Variants in ZC3H14 observed in about 807,000 individuals in gnomAD.
ZC3H14 encodes zinc finger CCCH-type containing 14, also known as zinc finger CCCH domain-containing protein 14.
A neutral mutation model predicts 92.4 loss-of-function variants in ZC3H14; 31 were observed. That is an observed-to-expected ratio of 0.34 (90% CI 0.25 to 0.45). ZC3H14 has a LOEUF of 0.45. Among genes scored for constraint, ZC3H14 ranks in the 20% least tolerant of loss-of-function variants. ZC3H14 has a pLI of 1.00. For missense variants in ZC3H14, 781 were observed against 897.3 expected, an observed-to-expected ratio of 0.87 and a Z score of 1.66; for synonymous variants, 321 against 300.9, an observed-to-expected ratio of 1.07 and a Z score of -0.69.
At position 88,627,397 on chromosome 14, in the gene ZC3H14, A is replaced by G; in HGVS notation, c.*15646A>G. ...TAATAAATACATAGTTTCTTGCTGG[A>G]AGAAAATAGCAGTGAATCATTTATA... is the stretch of plus-strand genomic sequence containing the variant. On this transcript the variant is annotated 3_prime_UTR_variant, in exon 17 of 17. Coordinates refer to ENST00000251038, the MANE Select transcript of ZC3H14 (RefSeq NM_024824.5). The G allele has an allele frequency of 8.1e-6, 4 of 490,826 alleles. No individual in the cohort carries two copies. The South Asian group carries it at 1.2e-4, about 15-fold the overall frequency. The allele number at this position is 490,826 out of a possible 1,614,324, so 30.4% of individuals were successfully genotyped here.
intron 2 of ZC3H14, 148 bp downstream of exon 2, chr14:88,563,841 T>C (rs1324373434): frequency 1.3e-6 from 1 of 792,292 alleles, no homozygotes; most frequent in Non-Finnish European, 2.1e-6. Flanking sequence ...GGTTACTTCT[T>C]TATCATCTTT....
chr14:88,624,995 T>C lies in ZC3H14; in HGVS notation c.*13244T>C. The C allele has an allele frequency of 1.2e-6, 2 of 1,613,642 alleles. No individual in the cohort carries two copies. The highest frequency in any genetic ancestry group is 1.3e-5 in the African/African-American group (1 of 75,004). On this transcript the variant is annotated 3_prime_UTR_variant, in exon 17 of 17. Coordinates refer to ENST00000251038, the MANE Select transcript of ZC3H14 (RefSeq NM_024824.5). ...GGCCTTTCCTTTCCCCCAGTCACGA[T>C]AAGTCCATCTCGCAGGGTGGTGTAC...
chr14:88,571,254 A>T lies in ZC3H14; in HGVS notation c.235+130A>T, dbSNP rs996026830. The T allele has an allele frequency of 9.7e-6, 7 of 720,266 alleles. No individual in the cohort carries two copies. The African/African-American group carries it at 1.1e-4, about 11-fold the overall frequency. The allele number at this position is 720,266 out of a possible 1,614,324, so 44.6% of individuals were successfully genotyped here. A position where few individuals can be genotyped will look rare whatever the true frequency, so the allele number is the denominator to read the frequency against. On this transcript the variant is annotated intron_variant, in intron 4 of 16. Coordinates refer to ENST00000251038, the MANE Select transcript of ZC3H14 (RefSeq NM_024824.5). The stretch of plus-strand genomic sequence containing the variant: ...GTTCATTTGAACTTTTTTAGAAAGC[A>T]CATACTTTTATGAACTTAAGAGCAG...
Position 88,620,786 on chromosome 14 carries a change from C to G in ZC3H14, c.*9035C>G, listed in dbSNP as rs1156340765. 6.2e-7 allele frequency: 1 copy of G among 1,605,014 alleles called. No homozygotes were observed. Among genetic ancestry groups the G allele is most frequent in the Non-Finnish European group, 8.5e-7 (1 of 1,177,188 alleles). ...CATGGATTGCACATCTCCTGTCTCT[C>G]TTCTTTCCCCATATTTTTAGAGAAC... On this transcript the variant is annotated 3_prime_UTR_variant, in exon 17 of 17. Transcript: ENST00000251038. This position sits in a 1 kb window ranked among gnomAD's most constrained non-coding sequence, Gnocchi z 4.3.
At position 88,615,799 on chromosome 14, in the gene ZC3H14, G is replaced by A. The variant is rs1473031635; in HGVS notation, c.*4048G>A. The stretch of plus-strand genomic sequence containing the variant: ...AATTCTGGTCTCAAAGTTAATTTCT[G>A]TAGTCATCTCAGCATCTCTCAGTGA... On this transcript the variant is annotated 3_prime_UTR_variant, in exon 17 of 17. Coordinates refer to ENST00000251038, the MANE Select transcript of ZC3H14 (RefSeq NM_024824.5). The A allele has an allele frequency of 6.2e-7, 1 of 1,608,034 alleles. No homozygotes were observed. Among genetic ancestry groups the A allele is most frequent in the Non-Finnish European group, 8.5e-7 (1 of 1,177,310 alleles).
rs1308885853 is a variant in ZC3H14 at position 88,572,620 on chromosome 14, A to G, written c.474A>G (p.Thr158=). The change falls in exon 6 of 17, where the codon ACA becomes ACG. Residue 158 remains threonine (T), a synonymous_variant. Transcript: ENST00000251038. ...GAGCTGCAACCCGACTAATGTCAAC[A>G]GTGAAACCTTTGAGGGAGCCAGCAC... ...DDGAATRLMS[T]VKPLREPAPS... is the part of the protein sequence containing the mutation. 6.2e-7 allele frequency: 1 copy of G among 1,614,092 alleles called. No individual in the cohort carries two copies. The highest frequency in any genetic ancestry group is 1.3e-5 in the African/African-American group (1 of 74,944).
rs895087795 is a variant in ZC3H14, at chr14:88,621,477, A to G, written c.*9726A>G. ...TTTCTATGACTACAGGCACACATCT[A>G]TCTGTAAGCACAATGGGCTAGATTA... On this transcript the variant is annotated 3_prime_UTR_variant, in exon 17 of 17. Transcript: ENST00000251038. The G allele has an allele frequency of 3.1e-6, 2 of 641,000 alleles. No individual in the cohort carries two copies. The highest frequency in any genetic ancestry group is 1.9e-5 in the South Asian group (1 of 52,242). 39.7% of individuals were successfully genotyped at this position (641,000 alleles called of 1,614,324 possible).
At chr14:88,578,671 G>T (rs2081478976) in intron 9 of ZC3H14, among the ~76,000 whole-genome samples, 1 of 150,312 alleles carries the variant, frequency 6.7e-6, no homozygotes, top group African/African-American at 2.5e-5. Flanking sequence ...TGAAATTTTA[G>T]TTACCTTTAA....
At chr14:88,604,283 G>A (rs1196661784) in intron 12 of ZC3H14, among the ~76,000 whole-genome samples, 1 of 152,132 alleles carries the variant, frequency 6.6e-6, no homozygotes, top group African/African-American at 2.4e-5. Flanking sequence ...CCATTGTGCT[G>A]ACAGCCATGA....
chr14:88,575,380 A>AT (rs2081029589), intron 7 of ZC3H14, among the ~76,000 whole-genome samples: 1 of 152,056 alleles, frequency 6.6e-6, no homozygotes, highest in Non-Finnish European at 1.5e-5. Flanking sequence ...ATCAATTAAG[A>AT]TTCAGATTTA....
Position 88,626,612 on chromosome 14 carries a change from G to T in ZC3H14, c.*14861G>T. ...AGCCCAGGCGACAGAGTGAGATACT[G>T]TGTCAAAAAAAAAAAAAAATCCTTT... On this transcript the variant is annotated 3_prime_UTR_variant, in exon 17 of 17. Transcript: ENST00000251038. 1.9e-6 allele frequency: 1 copy of T among 524,900 alleles called. No homozygotes were observed. Among genetic ancestry groups the T allele is most frequent in the Non-Finnish European group, 3.4e-6 (1 of 296,826 alleles). The allele number at this position is 524,900 out of a possible 1,614,324, so 32.5% of individuals were successfully genotyped here. A position where few individuals can be genotyped will look rare whatever the true frequency, so the allele number is the denominator to read the frequency against.
At chr14:88,571,512 A>G (rs887698282) in intron 4 of ZC3H14, among the ~76,000 whole-genome samples, 3 of 152,236 alleles carry the variant, frequency 2.0e-5, no homozygotes, top group African/African-American at 7.2e-5. Flanking sequence ...CAGAATATAC[A>G]CGCATAAGAT....
intron 2 of ZC3H14, among the ~76,000 whole-genome samples, chr14:88,564,707 T>C (rs1373849267): frequency 6.6e-6 from 1 of 152,366 alleles, no homozygotes; most frequent in East Asian, 1.9e-4. Context: ...GTAGTTTTTT[T>C]CTTTTTGAGC....
chr14:88,604,243 T>C (rs2085028351), intron 12 of ZC3H14, among the ~76,000 whole-genome samples: 2 of 152,186 alleles, frequency 1.3e-5, no homozygotes. Flanking sequence ...ATAAATAATA[T>C]GTTAGTAAAA....
At chr14:88,565,928 T>G (rs1278693752) in intron 2 of ZC3H14, among the ~76,000 whole-genome samples, 2 of 148,958 alleles carry the variant, frequency 1.3e-5, no homozygotes, top group East Asian at 4.0e-4. Context: ...AGTGCAGTGG[T>G]GCAATCTTGG....
At chr14:88,583,142 T>A (rs572598276) in intron 9 of ZC3H14, among the ~76,000 whole-genome samples, 96 of 151,602 alleles carry the variant, frequency 6.3e-4, no homozygotes, top group African/African-American at 1.3e-3. Context: ...TTTTTATTTT[T>A]TTTTTTTAAG....
chr14:88,607,338 T>C lies in ZC3H14; in HGVS notation c.1843T>C (p.Tyr615His). Reference protein sequence around the residue: ...PACKNGDECAYHHPISPCKAF... With the variant: ...PACKNGDECAHHHPISPCKAF... ...TTGTAAAAATGGGGATGAGTGTGCC[T>C]ACCATCACCCCATCTCACCCTGCAA... The change falls in exon 13 of 17, where the codon TAC (tyrosine) becomes CAC (histidine). Residue 615 changes from tyrosine (Y) to histidine (H), a missense_variant. Coordinates refer to ENST00000251038, the MANE Select transcript of ZC3H14 (RefSeq NM_024824.5). 1 of 1,613,618 alleles carries C rather than the reference T, an allele frequency of 6.2e-7. No individual in the cohort carries two copies. Among genetic ancestry groups the C allele is most frequent in the Non-Finnish European group, 8.5e-7 (1 of 1,179,814 alleles).
At chr14:88,597,542 C>T (rs1047909672) in intron 10 of ZC3H14, among the ~76,000 whole-genome samples, 21 of 152,170 alleles carry the variant, frequency 1.4e-4, no homozygotes, top group Non-Finnish European at 1.2e-4. Context: ...TTCCCCGACC[C>T]TCCCCCAGCT....
At chr14:88,608,759 G>A (rs146218801) in intron 13 of ZC3H14, 1 of 162,402 alleles carries the variant, frequency 6.2e-6, no homozygotes, top group African/African-American at 2.4e-5. Flanking sequence ...CTTACAAGCT[G>A]GCTGGCTCAA....
Sources: allele counts gnomAD v4.1 joint callset (sites outside exome capture counted in the v4.1 genomes callset), GRCh38; gene constraint gnomAD v4.1.1; non-coding constraint Gnocchi (gnomAD v3.1); transcripts MANE v1.5; gene names NCBI Gene and HGNC (gene_info 2026-07-23, HGNC 2026-07-21).